ZRANB3: variants seen among roughly 807,000 people sequenced by gnomAD.
ZRANB3 encodes the protein DNA annealing helicase and endonuclease ZRANB3.
Under a neutral mutation model 133.8 loss-of-function variants are expected in ZRANB3, and 125 were observed. The ratio of observed to expected loss-of-function variants is 0.93; its 90% CI spans 0.81 to 1.08. ZRANB3 has a LOEUF of 1.08. ZRANB3 is among the 50% of genes least tolerant of loss of function. The pLI, the probability that ZRANB3 is intolerant of heterozygous loss-of-function variation, is 0.00. For synonymous variants in ZRANB3, 387 were observed against 432.7 expected, an observed-to-expected ratio of 0.89 and a Z score of 1.31; for missense variants, 1,229 against 1,275.5, an observed-to-expected ratio of 0.96 and a Z score of 0.56.
At chr2:135,436,400 TAAAC>T (rs1432596373) in intron 2 of ZRANB3, among the ~76,000 whole-genome samples, 1 of 152,088 alleles carries the variant, frequency 6.6e-6, no homozygotes, top group African/African-American at 2.4e-5. Flanking sequence ...CTCTATCTGA[TAAAC>T]AACTTCAAAT....
At chr2:135,313,742 C>T (rs1446472739) in intron 7 of ZRANB3, 137 bp from the exon 8 acceptor site, 1 of 525,656 alleles carries the variant, frequency 1.9e-6, no homozygotes, top group Non-Finnish European at 3.2e-6. Flanking sequence ...AAGATTCCAA[C>T]ATGTTCATTT....
At chr2:135,368,046 A>G (rs560383839) in intron 3 of ZRANB3, among the ~76,000 whole-genome samples, 4 of 152,226 alleles carry the variant, frequency 2.6e-5, no homozygotes, top group Non-Finnish European at 5.9e-5. Flanking sequence ...ACAGTCTGTC[A>G]ATTATTACTT....
At chr2:135,489,798 A>C (rs949415943) in intron 2 of ZRANB3, among the ~76,000 whole-genome samples, 26 of 152,016 alleles carry the variant, frequency 1.7e-4, no homozygotes, top group Admixed American at 3.3e-4. Context: ...AAATAAATTA[A>C]GAATGCAAAA....
intron 2 of ZRANB3, among the ~76,000 whole-genome samples, chr2:135,453,906 T>C (rs1690382144): frequency 6.6e-6 from 1 of 152,234 alleles, no homozygotes; most frequent in Non-Finnish European, 1.5e-5. Context: ...ATACCAATTA[T>C]TGTATTAGTC....
At chr2:135,337,594 T>A (rs1163018838) in intron 6 of ZRANB3, among the ~76,000 whole-genome samples, 1 of 152,184 alleles carries the variant, frequency 6.6e-6, no homozygotes, top group Non-Finnish European at 1.5e-5. Context: ...AATCACTTGG[T>A]AAAGACTAAA....
chr2:135,435,677 T>C (rs1412213707), intron 2 of ZRANB3, among the ~76,000 whole-genome samples: 8 of 152,216 alleles, frequency 5.3e-5, no homozygotes, highest in South Asian at 2.1e-4. Flanking sequence ...TTTTCAGTAA[T>C]AGCCATTCTG....
At chr2:135,396,526 C>T (rs768496936) in intron 2 of ZRANB3, among the ~76,000 whole-genome samples, 1 of 152,124 alleles carries the variant, frequency 6.6e-6, no homozygotes, top group Non-Finnish European at 1.5e-5. Flanking sequence ...ATGGGTGGAA[C>T]TAGAGGTCAT....
chr2:135,392,325 A>G (rs1687272460), intron 2 of ZRANB3, among the ~76,000 whole-genome samples: 1 of 131,688 alleles, frequency 7.6e-6, no homozygotes, highest in African/African-American at 2.8e-5. Context: ...AAAACAAAAC[A>G]AAACAAAATG....
chr2:135,287,119 T>A (rs1681411384), intron 8 of ZRANB3, among the ~76,000 whole-genome samples: 2 of 152,224 alleles, frequency 1.3e-5, no homozygotes, highest in Admixed American at 1.3e-4. Context: ...GAGGATCCAG[T>A]TTCATTCTTC....
At chr2:135,481,185 G>A (rs1444941319) in intron 2 of ZRANB3, among the ~76,000 whole-genome samples, 4 of 151,070 alleles carry the variant, frequency 2.6e-5, no homozygotes, top group Admixed American at 6.6e-5. Context: ...CTGAGGAATC[G>A]CCACACTGAC....
chr2:135,426,683 T>C (rs1489114742), intron 2 of ZRANB3, among the ~76,000 whole-genome samples: 1 of 149,396 alleles, frequency 6.7e-6, no homozygotes, highest in Non-Finnish European at 1.5e-5. Context: ...ACAAAAAAAT[T>C]CAGCCAGGCT....
chr2:135,426,948 A>T (rs1261541726), intron 2 of ZRANB3, among the ~76,000 whole-genome samples: 2 of 140,324 alleles, frequency 1.4e-5, no homozygotes, highest in East Asian at 4.0e-4. Flanking sequence ...ACATCAACGG[A>T]ACTAAAAACA....
chr2:135,308,766 G>T (rs1682825428), intron 8 of ZRANB3, among the ~76,000 whole-genome samples: 1 of 151,322 alleles, frequency 6.6e-6, no homozygotes, highest in African/African-American at 2.4e-5. Context: ...ATGCCTGAGT[G>T]AACATTCATA....
At chr2:135,349,661 T>C (rs1196999054) in intron 5 of ZRANB3, among the ~76,000 whole-genome samples, 1 of 152,072 alleles carries the variant, frequency 6.6e-6, no homozygotes, top group Non-Finnish European at 1.5e-5. Context: ...TAATGTAAAA[T>C]AGGATAAATG....
chr2:135,243,427 C>T (rs1413748915), intron 12 of ZRANB3, among the ~76,000 whole-genome samples: 2 of 152,140 alleles, frequency 1.3e-5, no homozygotes, highest in Admixed American at 6.5e-5. Context: ...GCAGGGAACC[C>T]GGCAGGCAGA....
intron 15 of ZRANB3, among the ~76,000 whole-genome samples, chr2:135,220,858 A>ATTT (rs1188098230): frequency 7.1e-6 from 1 of 140,656 alleles, no homozygotes; most frequent in Non-Finnish European, 1.6e-5. Flanking sequence ...CTAGGAATTT[A>ATTT]TTTTTTTTTT....
chr2:135,215,570 G>A lies in ZRANB3; in HGVS notation c.2495+1895C>T, dbSNP rs192074439. Among the ~76,000 whole-genome samples, 115 of 152,310 alleles carry A rather than the reference G, an allele frequency of 7.6e-4. 1 individual carries two copies. The highest frequency in any genetic ancestry group is 7.5e-3 in the Admixed American group (115 of 15,302). On this transcript the variant is annotated intron_variant, in intron 17 of 20. Coordinates refer to ENST00000264159, the MANE Select transcript of ZRANB3 (RefSeq NM_032143.4). ...GTACCAGTATTTTATTTTTAAATCTGAATTTGAATGACTTCAGATGGGTTC... is the reference window on the plus strand; with the variant it reads ...GTACCAGTATTTTATTTTTAAATCTAAATTTGAATGACTTCAGATGGGTTC...
At chr2:135,441,109 C>CTTGGG (rs1689759577) in intron 2 of ZRANB3, among the ~76,000 whole-genome samples, 1 of 152,038 alleles carries the variant, frequency 6.6e-6, no homozygotes, top group Non-Finnish European at 1.5e-5. Context: ...AAAACATTTA[C>CTTGGG]TCTCAGACCC....
intron 2 of ZRANB3, among the ~76,000 whole-genome samples, chr2:135,496,849 G>A (rs10182977): frequency 0.27 from 40,533 of 151,982 alleles, 9,034 homozygotes; most frequent in African/African-American, 0.6. Context: ...AGCCCAATGC[G>A]ATACCAACTC....
Sources: gnomAD v4.1 joint callset for allele counts (sites outside exome capture counted in the v4.1 genomes callset) on GRCh38, gnomAD v4.1.1 for gene constraint, MANE v1.5 for transcripts, NCBI Gene and HGNC (gene_info 2026-07-23, HGNC 2026-07-21) for gene names.